Variants in NR2F1-AS1 observed in about 807,000 individuals in gnomAD.
The protein encoded by NR2F1-AS1 is NR2F1 regulatory antisense RNA 1, also known as NR2F1 antisense RNA 1.
intron 4 of NR2F1-AS1, among the ~76,000 whole-genome samples, chr5:93,438,430 G>A (rs1000842589): frequency 1.3e-5 from 2 of 152,088 alleles, no homozygotes; most frequent in Non-Finnish European, 1.5e-5. Context: ...TCATTCACCA[G>A]GCCCACCATA....
chr5:93,496,698 A>G (rs561777980), intron 4 of NR2F1-AS1, among the ~76,000 whole-genome samples: 2 of 152,184 alleles, frequency 1.3e-5, no homozygotes, highest in South Asian at 4.1e-4. Context: ...CTTAATTTAC[A>G]TACCACAATT....
chr5:93,457,630 C>T (rs571818110), intron 4 of NR2F1-AS1, among the ~76,000 whole-genome samples: 1 of 152,160 alleles, frequency 6.6e-6, no homozygotes, highest in Non-Finnish European at 1.5e-5. Flanking sequence ...GGCTTGTCCT[C>T]GATGGTCGCT....
chr5:93,493,621 A>G (rs1750897749), intron 4 of NR2F1-AS1, among the ~76,000 whole-genome samples: 1 of 152,120 alleles, frequency 6.6e-6, no homozygotes, highest in Non-Finnish European at 1.5e-5. Flanking sequence ...AAATAACCCA[A>G]GCAGTATGGT....
At chr5:93,426,418 T>A (rs965226709) in intron 4 of NR2F1-AS1, among the ~76,000 whole-genome samples, 2 of 152,190 alleles carry the variant, frequency 1.3e-5, no homozygotes, top group African/African-American at 2.4e-5. Context: ...CCTGTGGGAC[T>A]GGCACAAAGC....
chr5:93,570,272 C>G (rs1044643023), intron 1 of NR2F1-AS1: 2 of 152,332 alleles, frequency 1.3e-5, no homozygotes, highest in Non-Finnish European at 2.9e-5. Flanking sequence ...GTGAGGGTCC[C>G]CAACTGTGCC....
intron 4 of NR2F1-AS1, among the ~76,000 whole-genome samples, chr5:93,507,536 T>G (rs1201365557): frequency 2.0e-5 from 3 of 152,052 alleles, no homozygotes; most frequent in Non-Finnish European, 4.4e-5. Context: ...TTTTGTATTT[T>G]TAGTAGACAC....
intron 4 of NR2F1-AS1, among the ~76,000 whole-genome samples, chr5:93,537,686 AAC>A (rs371515631): frequency 5.3e-5 from 8 of 152,342 alleles, no homozygotes; most frequent in African/African-American, 1.9e-4. Flanking sequence ...GAAGAAAAGA[AAC>A]ACACTGTTAA....
At chr5:93,485,804 A>C (rs1426855608) in intron 4 of NR2F1-AS1, among the ~76,000 whole-genome samples, 1 of 150,848 alleles carries the variant, frequency 6.6e-6, no homozygotes, top group Non-Finnish European at 1.5e-5. Flanking sequence ...CTATAAAGAC[A>C]CATGCACACG....
At position 93,451,103 on chromosome 5, in the gene NR2F1-AS1, C is replaced by A. The variant is rs568101519; in HGVS notation, n.639-55561G>T. Reference sequence around the variant, plus strand: ...GATTTAATTTACTATCATCCACCTGCCACTGTCATTGAGATAATCTAGTTA... The same window carrying A: ...GATTTAATTTACTATCATCCACCTGACACTGTCATTGAGATAATCTAGTTA... On this transcript the variant is annotated intron_variant and non_coding_transcript_variant, in intron 4 of 5. Transcript: ENST00000660523. 5.9e-5 allele frequency among the ~76,000 whole-genome samples: 9 copies of A among 151,996 alleles called. No individual in the cohort carries two copies. In the East Asian group the frequency reaches 1.7e-3, roughly 29 times the overall value.
chr5:93,552,431 G>A (rs1029567528), intron 4 of NR2F1-AS1, among the ~76,000 whole-genome samples: 15 of 152,124 alleles, frequency 9.9e-5, no homozygotes, highest in Admixed American at 6.6e-4. Flanking sequence ...TAACATGTAA[G>A]AAGTACATGT....
intron 4 of NR2F1-AS1, among the ~76,000 whole-genome samples, chr5:93,496,404 C>G (rs575427683): frequency 1.3e-5 from 2 of 152,108 alleles, no homozygotes; most frequent in Non-Finnish European, 2.9e-5. Flanking sequence ...ATGTGAGACA[C>G]GGCATAGCTT....
chr5:93,425,288 A>G (rs1055172258), intron 4 of NR2F1-AS1, among the ~76,000 whole-genome samples: 1 of 152,166 alleles, frequency 6.6e-6, no homozygotes, highest in African/African-American at 2.4e-5. Flanking sequence ...GACTGCTGGC[A>G]AGAGCCTCGG....
At chr5:93,444,284 G>A (rs950319542) in intron 4 of NR2F1-AS1, among the ~76,000 whole-genome samples, 2 of 152,148 alleles carry the variant, frequency 1.3e-5, no homozygotes, top group Non-Finnish European at 2.9e-5. Context: ...AGATCCATCA[G>A]TGTGCTGTAT....
intron 4 of NR2F1-AS1, among the ~76,000 whole-genome samples, chr5:93,511,785 C>T (rs1310723521): frequency 6.6e-6 from 1 of 152,080 alleles, no homozygotes. Context: ...GAGCACAAAC[C>T]CTATTGTGAA....
intron 4 of NR2F1-AS1, among the ~76,000 whole-genome samples, chr5:93,491,108 G>C (rs2149880288): frequency 6.6e-6 from 1 of 150,730 alleles, no homozygotes; most frequent in African/African-American, 2.4e-5. Flanking sequence ...AGTCATGCTG[G>C]TGATGAGAGT....
intron 4 of NR2F1-AS1, among the ~76,000 whole-genome samples, chr5:93,509,687 T>C (rs1057054800): frequency 5.3e-5 from 8 of 152,010 alleles, no homozygotes; most frequent in Non-Finnish European, 8.8e-5. Flanking sequence ...ATACTTAACA[T>C]TGTTAAATTT....
chr5:93,525,901 GC>G (rs1178408223), intron 4 of NR2F1-AS1, among the ~76,000 whole-genome samples: 1 of 152,174 alleles, frequency 6.6e-6, no homozygotes, highest in African/African-American at 2.4e-5. Flanking sequence ...ACAGGAGAAA[GC>G]AATAAAGGTC....
rs1225716624 is a variant in NR2F1-AS1 at position 93,579,742 on chromosome 5, C to G, written n.313+725G>C. Among the ~76,000 whole-genome samples the G allele has an allele frequency of 6.6e-6, 1 of 152,112 alleles. No individual in the cohort carries two copies. The highest frequency in any genetic ancestry group is 1.5e-5 in the Non-Finnish European group (1 of 68,008). ...CCTTTCAACACACCCCCTCTGTCCC[C>G]ACCCCTGGGAGGCGACCCCCTCCCC... On this transcript the variant is annotated intron_variant and non_coding_transcript_variant, in intron 1 of 5. Coordinates refer to ENST00000660523, the Ensembl canonical transcript of NR2F1-AS1. The surrounding 1 kb of genome is among the most constrained non-coding windows in gnomAD (Gnocchi z 5.1).
At chr5:93,578,623 C>A (rs1313946875) in intron 1 of NR2F1-AS1, among the ~76,000 whole-genome samples, 3 of 152,082 alleles carry the variant, frequency 2.0e-5, no homozygotes, top group Admixed American at 6.5e-5. Context: ...CGGTCCGAGT[C>A]CAAGAACCAC....
Sources: gnomAD v4.1 joint callset for allele counts (sites outside exome capture counted in the v4.1 genomes callset) on GRCh38, gnomAD v4.1.1 for gene constraint, Gnocchi (gnomAD v3.1) non-coding constraint, MANE v1.5 for transcripts, NCBI Gene and HGNC (gene_info 2026-07-23, HGNC 2026-07-21) for gene names.